The following CNTNAP2 variants were observed in gnomAD, a reference collection of about 807,000 sequenced individuals.
CNTNAP2 encodes contactin-associated protein-like 2.
A neutral mutation model predicts 155.2 loss-of-function variants in CNTNAP2; 98 were observed. The observed-to-expected ratio is 0.63, with a 90% CI of 0.54 to 0.75. The LOEUF (loss-of-function observed/expected upper bound fraction) is 0.75. Ranked by LOEUF, CNTNAP2 falls within the 30% of genes least tolerant of loss-of-function variation. The pLI, the probability that CNTNAP2 is intolerant of heterozygous loss-of-function variation, is 0.00. For missense variants in CNTNAP2, 1,727 were observed against 1,688.1 expected (o/e 1.02, Z -0.40); for synonymous variants, 651 against 631.2 (o/e 1.03, Z -0.47).
At chr7:146,135,497 C>G (rs116799853) in intron 1 of CNTNAP2, among the ~76,000 whole-genome samples, 2,111 of 152,142 alleles carry the variant, frequency 0.014, 43 homozygotes, top group African/African-American at 0.047. Context: ...TGGAGAAGCA[C>G]CTCTTATAAA....
Position 146,186,045 on chromosome 7 carries a change from G to A in CNTNAP2, c.97+69072G>A, listed in dbSNP as rs564204436. On this transcript the variant is annotated intron_variant, in intron 1 of 23. Transcript: ENST00000361727. ...TTTGGCAATTGCTGACAATTATTGC[G>A]TAATAGATGTGTCAGTGCATACAGC... Among the ~76,000 whole-genome samples, 38 of 152,036 alleles carry A rather than the reference G, an allele frequency of 2.5e-4. 1 individual carries two copies. The East Asian group carries it at 4.6e-3, about 19-fold the overall frequency.
intron 1 of CNTNAP2, among the ~76,000 whole-genome samples, chr7:146,533,471 C>T (rs1042809464): frequency 6.6e-6 from 1 of 152,076 alleles, no homozygotes; most frequent in Non-Finnish European, 1.5e-5. Flanking sequence ...GTCAATATGT[C>T]CACTTGTGTA....
chr7:147,516,298 T>TCACTATGTAC (rs1365970220), intron 11 of CNTNAP2, among the ~76,000 whole-genome samples: 1 of 152,206 alleles, frequency 6.6e-6, no homozygotes, highest in East Asian at 1.9e-4. Flanking sequence ...GCTCAATGAT[T>TCACTATGTAC]CACTATGTAC....
chr7:146,941,358 A>G (rs373953885), intron 3 of CNTNAP2, among the ~76,000 whole-genome samples: 3 of 152,156 alleles, frequency 2.0e-5, no homozygotes, highest in East Asian at 1.9e-4. Flanking sequence ...CTTTGATCAC[A>G]AAAAAGCAAC....
intron 1 of CNTNAP2, among the ~76,000 whole-genome samples, chr7:146,169,862 C>T (rs554229043): frequency 6.6e-6 from 1 of 151,336 alleles, no homozygotes; most frequent in South Asian, 2.1e-4. Context: ...TTCATTTATT[C>T]GTGGATAGGT....
rs147298100 is a variant in CNTNAP2, at chr7:146,282,889, C to A, written c.97+165916C>A. 2.4e-3 allele frequency among the ~76,000 whole-genome samples: 370 copies of A among 152,264 alleles called. 3 individuals carry two copies. Among genetic ancestry groups the A allele is most frequent in the Non-Finnish European group, 3.9e-3 (266 of 68,022 alleles). The stretch of plus-strand genomic sequence containing the variant: ...GACTGCTGTCTTCTACGTGGCACAG[C>A]TGAATTTGGTAGATGATTCCAATGA... On this transcript the variant is annotated intron_variant, in intron 1 of 23. Coordinates refer to ENST00000361727, the MANE Select transcript of CNTNAP2 (RefSeq NM_014141.6).
chr7:148,205,425 A>G (rs984244506), intron 18 of CNTNAP2, among the ~76,000 whole-genome samples: 3 of 152,258 alleles, frequency 2.0e-5, no homozygotes, highest in African/African-American at 7.2e-5. Flanking sequence ...ACTGGATTGG[A>G]GACAAGCTGA....
intron 15 of CNTNAP2, among the ~76,000 whole-genome samples, chr7:148,086,469 G>T (rs973672468): frequency 2.0e-5 from 3 of 152,058 alleles, no homozygotes; most frequent in African/African-American, 7.2e-5. Flanking sequence ...AAATTTTGAT[G>T]TATCTAATTT....
At chr7:147,583,156 C>A (rs1264761433) in intron 12 of CNTNAP2, among the ~76,000 whole-genome samples, 1 of 151,954 alleles carries the variant, frequency 6.6e-6, no homozygotes, top group African/African-American at 2.4e-5. Flanking sequence ...AACTAAAAAG[C>A]CAATTAATTT....
At chr7:146,286,826 C>T (rs1016641330) in intron 1 of CNTNAP2, among the ~76,000 whole-genome samples, 2 of 152,168 alleles carry the variant, frequency 1.3e-5, no homozygotes, top group African/African-American at 4.8e-5. Flanking sequence ...AATATAGGAG[C>T]TGAGCACAGT....
intron 13 of CNTNAP2, among the ~76,000 whole-genome samples, chr7:147,740,406 C>T (rs1334796211): frequency 6.6e-6 from 1 of 152,112 alleles, no homozygotes; most frequent in Non-Finnish European, 1.5e-5. Flanking sequence ...AATGCCTCAC[C>T]CTGCTACAGC....
chr7:147,897,083 G>A (rs896515875), intron 13 of CNTNAP2: 2 of 152,180 alleles, frequency 1.3e-5, no homozygotes, highest in Admixed American at 1.3e-4. Context: ...GGTACAGTGG[G>A]AACCAGCTGT....
Position 146,303,127 on chromosome 7 carries a change from C to T in CNTNAP2, c.97+186154C>T, listed in dbSNP as rs531689881. Among the ~76,000 whole-genome samples the T allele has an allele frequency of 2.1e-3, 323 of 151,010 alleles. 3 individuals are homozygous for T. The highest frequency in any genetic ancestry group is 7.0e-3 in the African/African-American group (288 of 41,064). On this transcript the variant is annotated intron_variant, in intron 1 of 23. Coordinates refer to ENST00000361727, the MANE Select transcript of CNTNAP2 (RefSeq NM_014141.6). The stretch of plus-strand genomic sequence containing the variant: ...GTGTGTGCGCATGCATACATGAACA[C>T]GTGTCATGGGAGACATGGGTAGGGA...
At chr7:146,672,013 A>C (rs1387959647) in intron 1 of CNTNAP2, among the ~76,000 whole-genome samples, 1 of 151,922 alleles carries the variant, frequency 6.6e-6, no homozygotes, top group Non-Finnish European at 1.5e-5. Context: ...ACGGGGTTTC[A>C]CCATCTTGGC....
intron 17 of CNTNAP2, among the ~76,000 whole-genome samples, chr7:148,153,018 C>A (rs71532717): frequency 1.6e-4 from 7 of 44,248 alleles, no homozygotes; most frequent in Non-Finnish European, 2.6e-4. Flanking sequence ...AAGACTCCGT[C>A]TCAAAAAAAA....
chr7:148,309,416 T>C (rs1797552245), intron 21 of CNTNAP2, among the ~76,000 whole-genome samples: 1 of 152,240 alleles, frequency 6.6e-6, no homozygotes, highest in African/African-American at 2.4e-5. Context: ...ATGAAAATTT[T>C]CACTCACGTC....
chr7:147,774,790 G>C (rs1176737486), intron 13 of CNTNAP2, among the ~76,000 whole-genome samples: 1 of 152,148 alleles, frequency 6.6e-6, no homozygotes, highest in African/African-American at 2.4e-5. Flanking sequence ...CCAGGTTGTG[G>C]TATCTTGTTA....
chr7:146,181,825 C>A (rs1798553412), intron 1 of CNTNAP2, among the ~76,000 whole-genome samples: 1 of 151,996 alleles, frequency 6.6e-6, no homozygotes, highest in Non-Finnish European at 1.5e-5. Context: ...CTGTTCAGGC[C>A]CTAGAGAGAA....
intron 1 of CNTNAP2, among the ~76,000 whole-genome samples, chr7:146,611,475 G>C (rs749747469): frequency 6.6e-6 from 1 of 152,124 alleles, no homozygotes; most frequent in Non-Finnish European, 1.5e-5. Flanking sequence ...TGCTGTAGAA[G>C]AAAAAAATAC....
Sources: gnomAD v4.1 joint callset for allele counts (sites outside exome capture counted in the v4.1 genomes callset) on GRCh38, gnomAD v4.1.1 for gene constraint, MANE v1.5 for transcripts, NCBI Gene and HGNC (gene_info 2026-07-23, HGNC 2026-07-21) for gene names.